Variants in HCN2 observed in about 807,000 individuals in gnomAD.
The protein encoded by HCN2 is potassium/sodium hyperpolarization-activated cyclic nucleotide-gated channel 2.
HCN2 carries 20 observed loss-of-function variants against 52.3 expected under a neutral mutation model. That is an observed-to-expected ratio of 0.38 (90% CI 0.27 to 0.56). The LOEUF (loss-of-function observed/expected upper bound fraction) is 0.56. Among genes scored for constraint, HCN2 ranks in the 20% least tolerant of loss-of-function variants. The pLI is 0.71. For synonymous variants in HCN2, 694 were observed against 537.0 expected (o/e 1.29, Z -4.04); for missense variants, 981 against 1,207.7 (o/e 0.81, Z 2.78).
intron 3 of HCN2, among the ~76,000 whole-genome samples, chr19:607,167 G>A (rs1331583670): frequency 1.3e-5 from 2 of 152,174 alleles, no homozygotes; most frequent in East Asian, 1.9e-4. Flanking sequence ...GCGAAACTCC[G>A]TCAAAAAAGA....
In HCN2 at chr19:604,985, G is replaced by T. The variant is rs563715377; in HGVS notation, c.1057-76G>T. The T allele has an allele frequency of 1.5e-4, 224 of 1,476,736 alleles. 2 individuals carry two copies. The highest frequency in any genetic ancestry group is 1.9e-4 in the Non-Finnish European group (211 of 1,093,724). 91.5% of individuals were successfully genotyped at this position (1,476,736 alleles called of 1,614,324 possible). On this transcript the variant is annotated intron_variant, in intron 2 of 7. Coordinates refer to ENST00000251287, the MANE Select transcript of HCN2 (RefSeq NM_001194.4). ...GGGGGCCAGGAGCTCCCGCAGTGGG[G>T]GCGCACGGGGCTGGGGCTCTGAAGG...
chr19:617,130 C>A lies in HCN2; in HGVS notation c.*656C>A. On this transcript the variant is annotated 3_prime_UTR_variant, in exon 8 of 8. Transcript: ENST00000251287. ...CCCCATTAACCCCCACACCCCCATT[C>A]CGCGCAATAAACGACAGCATTGGCG... is the stretch of plus-strand genomic sequence containing the variant. The A allele has an allele frequency of 6.4e-6, 3 of 465,210 alleles. No individual in the cohort carries two copies. The highest frequency in any genetic ancestry group is 1.2e-5 in the Non-Finnish European group (3 of 247,780). The allele number at this position is 465,210 out of a possible 1,614,324, so 28.8% of individuals were successfully genotyped here.
chr19:615,345 T>TA (rs376021003), intron 7 of HCN2, among the ~76,000 whole-genome samples: 10,282 of 148,640 alleles, frequency 0.069, 780 homozygotes, highest in African/African-American at 0.19. Context: ...CCGTCTCTAC[T>TA]AAAAAAAAAA....
chr19:612,856 T>C (rs1451470555), intron 5 of HCN2, among the ~76,000 whole-genome samples: 1 of 65,176 alleles, frequency 1.5e-5, no homozygotes, highest in Non-Finnish European at 3.4e-5. Flanking sequence ...TTTTTTTTTT[T>C]CCGGTAGAGA....
Position 616,537 on chromosome 19 carries a change from C to A in HCN2, c.*63C>A. On this transcript the variant is annotated 3_prime_UTR_variant, in exon 8 of 8. Transcript: ENST00000251287. ...GGCGGGGCCGTCATCCAGACCAAAGCCATGCCATTGCGCTGCCCCGGCCGC... is the reference window on the plus strand; with the variant it reads ...GGCGGGGCCGTCATCCAGACCAAAGACATGCCATTGCGCTGCCCCGGCCGC... 2.0e-6 allele frequency: 2 copies of A among 994,620 alleles called. No homozygotes were observed. Among genetic ancestry groups the A allele is most frequent in the Non-Finnish European group, 2.5e-6 (2 of 789,934 alleles). The allele number at this position is 994,620 out of a possible 1,614,324, so 61.6% of individuals were successfully genotyped here.
In HCN2 at chr19:616,313, TC is replaced by T; in HGVS notation, c.2511del (p.Thr838HisfsTer89). On this transcript the variant is annotated frameshift_variant, in exon 8 of 8. Coordinates refer to ENST00000251287, the MANE Select transcript of HCN2 (RefSeq NM_001194.4). LOFTEE classifies it low-confidence loss of function (END_TRUNC). ...TCACGGCGCCCCCGGCCCCGCGGCC[TC>T]CACACGCCCGGCCAGCAGCTCCACA... The part of the protein sequence containing the change: ...LPHGAPGPAA[S>X]TRPASSSTPR... 2 of 1,125,808 alleles carry T rather than the reference TC, an allele frequency of 1.8e-6. No individual in the cohort carries two copies. The highest frequency in any genetic ancestry group is 5.7e-5 in the South Asian group (2 of 35,264). 69.7% of individuals were successfully genotyped at this position (1,125,808 alleles called of 1,614,324 possible). A position where few individuals can be genotyped will look rare whatever the true frequency, so the allele number is the denominator to read the frequency against.
intron 1 of HCN2, among the ~76,000 whole-genome samples, chr19:593,156 A>G (rs35771564): frequency 0.29 from 43,386 of 151,994 alleles, 7,192 homozygotes; most frequent in African/African-American, 0.46. Context: ...GCCCAAGTCC[A>G]CCCTGCTCCC....
chr19:602,875 G>A (rs189967530), intron 1 of HCN2, among the ~76,000 whole-genome samples: 39 of 152,334 alleles, frequency 2.6e-4, no homozygotes, highest in Admixed American at 4.6e-4. Flanking sequence ...GGGCTCCCTC[G>A]GGGCTGGGTG....
intron 4 of HCN2, among the ~76,000 whole-genome samples, 158 bp from the exon 5 acceptor site, chr19:610,101 C>CG (rs1983560617): frequency 6.7e-6 from 1 of 149,824 alleles, no homozygotes; most frequent in East Asian, 2.0e-4. Context: ...CGCCACAGGC[C>CG]GGGGGGCTGT....
intron 1 of HCN2, among the ~76,000 whole-genome samples, chr19:599,963 C>T (rs1983154001): frequency 6.6e-6 from 1 of 151,438 alleles, no homozygotes; most frequent in African/African-American, 2.4e-5. Flanking sequence ...CCTACCTCAG[C>T]CTCCCAAAAT....
At chr19:602,103 TCTC>T (rs879943927) in intron 1 of HCN2, among the ~76,000 whole-genome samples, 2,092 of 124,800 alleles carry the variant, frequency 0.017, 57 homozygotes, top group East Asian at 0.054. Flanking sequence ...CTTCCTCCCC[TCTC>T]CTCCTGCGTG....
In HCN2 at chr19:616,915, A is replaced by G. The variant is rs1486394377; in HGVS notation, c.*441A>G. On this transcript the variant is annotated 3_prime_UTR_variant, in exon 8 of 8. Transcript: ENST00000251287. Reference sequence around the variant, plus strand: ...CCGCTGCCCCCATCGCGCTCACGCAATAACCGGCCCGGCCCCCGTCCGCGC... The same window carrying G: ...CCGCTGCCCCCATCGCGCTCACGCAGTAACCGGCCCGGCCCCCGTCCGCGC... 6 of 328,634 alleles carry G rather than the reference A, an allele frequency of 1.8e-5. No homozygotes were observed. Among genetic ancestry groups the G allele is most frequent in the Admixed American group, 9.5e-5 (2 of 20,984 alleles). The allele number at this position is 328,634 out of a possible 1,614,324, so 20.4% of individuals were successfully genotyped here.
rs139997813 is a variant in HCN2, at chr19:605,189, G to A, written c.1185G>A (p.Pro395=). 4.2e-5 allele frequency: 67 copies of A among 1,610,816 alleles called. No individual in the cohort carries two copies. The East Asian group carries it at 7.6e-4, about 18-fold the overall frequency. Residue 395 remains proline (P), a synonymous_variant, in exon 3 of 8, where the codon CCG becomes CCA. Coordinates refer to ENST00000251287, the MANE Select transcript of HCN2 (RefSeq NM_001194.4). ...TGGTGCCTATGCTGCAGGACTTCCC[G>A]CGCAACTGCTGGGTGTCCATCAATG... ...QFLVPMLQDF[P]RNCWVSINGM...
Position 590,753 on chromosome 19 carries a change from G to A in HCN2, c.632+176G>A, listed in dbSNP as rs1167411876. The A allele has an allele frequency of 2.7e-6, 1 of 370,226 alleles. No homozygotes were observed. The highest frequency in any genetic ancestry group is 4.9e-5 in the Admixed American group (1 of 20,272). 22.9% of individuals were successfully genotyped at this position (370,226 alleles called of 1,614,324 possible). On this transcript the variant is annotated intron_variant, in intron 1 of 7. Coordinates refer to ENST00000251287, the MANE Select transcript of HCN2 (RefSeq NM_001194.4). The surrounding 1 kb of genome is among the most constrained non-coding windows in gnomAD (Gnocchi z 7.2). ...GCCCCGGAGTGACCCCGGCGCGCGA[G>A]GCTCCGCCTCTGGGGGGGCTCCCCG...
In HCN2 at chr19:615,901, C is replaced by T. The variant is rs1301647924; in HGVS notation, c.2097C>T (p.Arg699=). The change falls in exon 8 of 8, where the codon CGC becomes CGT. Residue 699 remains arginine (R), a synonymous_variant. Transcript: ENST00000251287. The part of the protein sequence containing the change: ...AIIQEIVKYD[R]EMVQQAELGQ... ...TCCAGGAGATCGTCAAGTACGACCG[C>T]GAGATGGTGCAGCAGGCCGAGCTGG... is the stretch of plus-strand genomic sequence containing the variant. 7 of 1,612,492 alleles carry T rather than the reference C, an allele frequency of 4.3e-6. No individual in the cohort carries two copies. Among genetic ancestry groups the T allele is most frequent in the Middle Eastern group, 1.7e-4 (1 of 5,766 alleles).
chr19:593,251 G>A (rs1982926267), intron 1 of HCN2, among the ~76,000 whole-genome samples: 1 of 152,222 alleles, frequency 6.6e-6, no homozygotes, highest in South Asian at 2.1e-4. Context: ...TTTCTGAGGG[G>A]CAGAGCATGG....
At chr19:607,240 G>C (rs889422292) in intron 3 of HCN2, among the ~76,000 whole-genome samples, 2 of 152,248 alleles carry the variant, frequency 1.3e-5, no homozygotes, top group Non-Finnish European at 2.9e-5. Flanking sequence ...TGTGCTGACT[G>C]TTAAGAAGGG....
In HCN2 at chr19:616,539, A is replaced by G; in HGVS notation, c.*65A>G. The G allele has an allele frequency of 1.0e-6, 1 of 968,276 alleles. No individual in the cohort carries two copies. Among genetic ancestry groups the G allele is most frequent in the Non-Finnish European group, 1.3e-6 (1 of 770,204 alleles). 60.0% of individuals were successfully genotyped at this position (968,276 alleles called of 1,614,324 possible). ...CGGGGCCGTCATCCAGACCAAAGCCATGCCATTGCGCTGCCCCGGCCGCCA... is the reference window on the plus strand; with the variant it reads ...CGGGGCCGTCATCCAGACCAAAGCCGTGCCATTGCGCTGCCCCGGCCGCCA... On this transcript the variant is annotated 3_prime_UTR_variant, in exon 8 of 8. Coordinates refer to ENST00000251287, the MANE Select transcript of HCN2 (RefSeq NM_001194.4).
rs140613154 is a variant in HCN2 at position 610,345 on chromosome 19, C to T, written c.1524C>T (p.Tyr508=). Residue 508 remains tyrosine (Y), a synonymous_variant, in exon 5 of 8, where the codon TAC becomes TAT. Coordinates refer to ENST00000251287, the MANE Select transcript of HCN2 (RefSeq NM_001194.4). The stretch of plus-strand genomic sequence containing the variant: ...TCCACGACTACTATGAGCACCGTTA[C>T]CAGGGCAAGATGTTTGACGAGGACA... ...QKIHDYYEHR[Y]QGKMFDEDSI... is the part of the protein sequence containing the mutation. The T allele has an allele frequency of 2.7e-4, 432 of 1,613,802 alleles. No homozygotes were observed. Among genetic ancestry groups the T allele is most frequent in the Middle Eastern group, 1.7e-4 (1 of 6,048 alleles).
Sources: allele counts gnomAD v4.1 joint callset (sites outside exome capture counted in the v4.1 genomes callset), GRCh38; gene constraint gnomAD v4.1.1; non-coding constraint Gnocchi (gnomAD v3.1); transcripts MANE v1.5; gene names NCBI Gene and HGNC (gene_info 2026-07-23, HGNC 2026-07-21).